CHD9: variants seen among roughly 807,000 people sequenced by gnomAD.
CHD9 encodes ATP-dependent chromatin remodeler CHD9.
CHD9 carries 77 observed loss-of-function variants against 316.1 expected under a neutral mutation model. The ratio of observed to expected loss-of-function variants is 0.24; its 90% CI spans 0.20 to 0.29. The LOEUF (loss-of-function observed/expected upper bound fraction) is 0.29. Ranked by LOEUF, CHD9 falls within the 10% of genes least tolerant of loss-of-function variation. CHD9 has a pLI of 1.00. For missense variants in CHD9, 2,763 were observed against 3,438.1 expected, an observed-to-expected ratio of 0.80 and a Z score of 4.91; for synonymous variants, 1,129 against 1,158.3, an observed-to-expected ratio of 0.97 and a Z score of 0.51.
intron 1 of CHD9, among the ~76,000 whole-genome samples, chr16:53,146,438 A>ATATATATATATATATATATAT (rs1567374423): frequency 8.6e-5 from 4 of 46,374 alleles, no homozygotes; most frequent in African/African-American, 3.7e-4. Context: ...TATATATATA[A>ATATATATATATATATATATAT]TTAAAAAGTT....
intron 8 of CHD9, among the ~76,000 whole-genome samples, chr16:53,230,793 TCA>T (rs1358619866): frequency 1.4e-4 from 21 of 152,228 alleles, no homozygotes; most frequent in African/African-American, 5.1e-4. Context: ...GGAACCAATC[TCA>T]GAGTTAAAAT....
At chr16:53,085,032 T>G (rs1407893336) in intron 1 of CHD9, among the ~76,000 whole-genome samples, 1 of 152,144 alleles carries the variant, frequency 6.6e-6, no homozygotes, top group African/African-American at 2.4e-5. Flanking sequence ...TTTACTTAAG[T>G]CAATTCCCAA....
At chr16:53,091,731 T>G (rs1326904778) in intron 1 of CHD9, among the ~76,000 whole-genome samples, 1 of 152,088 alleles carries the variant, frequency 6.6e-6, no homozygotes, top group Non-Finnish European at 1.5e-5. Context: ...AGCAAACGAG[T>G]GCCTGGTGGG....
Position 53,275,470 on chromosome 16 carries a change from C to T in CHD9, c.4967+1168C>T, listed in dbSNP as rs564538856. Among the ~76,000 whole-genome samples, 13 of 152,236 alleles carry T rather than the reference C, an allele frequency of 8.5e-5. No individual in the cohort carries two copies. The South Asian group carries it at 2.7e-3, about 32-fold the overall frequency. ...TTGATCCCTAAGGAGTTTATGGTCT[C>T]AGTAAGGAGGAAATAGAAAAAACTA... On this transcript the variant is annotated intron_variant, in intron 24 of 38. Coordinates refer to ENST00000447540, the MANE Select transcript of CHD9 (RefSeq NM_001308319.2).
intron 37 of CHD9, chr16:53,321,245 T>C: frequency 7.5e-7 from 1 of 1,342,098 alleles, no homozygotes; most frequent in Non-Finnish European, 9.8e-7. Context: ...GGGTGTACTT[T>C]TAACTAGGCT....
chr16:53,079,969 G>A (rs541633786), intron 1 of CHD9, among the ~76,000 whole-genome samples: 1 of 152,294 alleles, frequency 6.6e-6, no homozygotes, highest in South Asian at 2.1e-4. Flanking sequence ...TTGAATCTGA[G>A]GAGGGGGGCA....
intron 1 of CHD9, among the ~76,000 whole-genome samples, chr16:53,154,529 G>A (rs1339330567): frequency 6.6e-6 from 1 of 152,150 alleles, no homozygotes; most frequent in Non-Finnish European, 1.5e-5. Context: ...ACCAGGGACC[G>A]GTTTCGTGGA....
At chr16:53,317,065 G>A (rs2056931833) in intron 36 of CHD9, among the ~76,000 whole-genome samples, 2 of 151,394 alleles carry the variant, frequency 1.3e-5, no homozygotes, top group African/African-American at 4.9e-5. Flanking sequence ...GCATGGTGGC[G>A]GGTGCCTGTA....
intron 2 of CHD9, among the ~76,000 whole-genome samples, chr16:53,171,859 CAG>C (rs200358467): frequency 0.028 from 1,375 of 48,418 alleles, 11 homozygotes; most frequent in African/African-American, 0.1. Context: ...CACACACACA[CAG>C]ACACACACAC....
chr16:53,273,038 G>A (rs112075320), intron 22 of CHD9, among the ~76,000 whole-genome samples: 5,075 of 151,740 alleles, frequency 0.033, 289 homozygotes, highest in African/African-American at 0.12. Flanking sequence ...GCAGTGAGCC[G>A]ACATCACGCC....
intron 3 of CHD9, among the ~76,000 whole-genome samples, chr16:53,217,947 TCTTTCTTTC>T: frequency 6.9e-6 from 1 of 144,684 alleles, no homozygotes. Flanking sequence ...TTTCTTTCTT[TCTTTCTTTC>T]TTTTTTTTTT....
intron 29 of CHD9, among the ~76,000 whole-genome samples, chr16:53,296,687 C>A (rs188345851): frequency 6.6e-6 from 1 of 151,772 alleles, no homozygotes; most frequent in Admixed American, 6.6e-5. Context: ...CCTTGCGATC[C>A]GCCCGCCTCG....
At chr16:53,251,095 G>A (rs2050090169) in intron 17 of CHD9, among the ~76,000 whole-genome samples, 1 of 152,112 alleles carries the variant, frequency 6.6e-6, no homozygotes, top group Non-Finnish European at 1.5e-5. Context: ...CTCTTTCTGT[G>A]GAAGGCTCAA....
At chr16:53,259,024 C>T (rs1567575395) in intron 19 of CHD9, among the ~76,000 whole-genome samples, 1 of 152,120 alleles carries the variant, frequency 6.6e-6, no homozygotes, top group East Asian at 1.9e-4. Context: ...TTAAAATCTT[C>T]TCTTGCAAAT....
At chr16:53,093,312 A>G (rs932699969) in intron 1 of CHD9, among the ~76,000 whole-genome samples, 3 of 152,224 alleles carry the variant, frequency 2.0e-5, no homozygotes, top group Non-Finnish European at 2.9e-5. Context: ...CAGAATGTGA[A>G]TAACAATAGT....
chr16:53,120,056 T>C (rs2038619556), intron 1 of CHD9, among the ~76,000 whole-genome samples: 1 of 142,096 alleles, frequency 7.0e-6, no homozygotes, highest in African/African-American at 2.5e-5. Context: ...GAAGACCCCA[T>C]CTCCACAAAA....
At chr16:53,122,613 T>G (rs1021737954) in intron 1 of CHD9, among the ~76,000 whole-genome samples, 1 of 151,360 alleles carries the variant, frequency 6.6e-6, no homozygotes, top group South Asian at 2.1e-4. Flanking sequence ...GGCACAATCT[T>G]GTCTCACTGC....
chr16:53,105,517 T>G (rs2037271999), intron 1 of CHD9, among the ~76,000 whole-genome samples: 1 of 152,220 alleles, frequency 6.6e-6, no homozygotes, highest in Admixed American at 6.5e-5. Context: ...CATAATTTGG[T>G]CAACCAGTTC....
At chr16:53,151,193 TCCCTCCCCTC>T (rs1250584616) in intron 1 of CHD9, among the ~76,000 whole-genome samples, 5 of 135,320 alleles carry the variant, frequency 3.7e-5, no homozygotes, top group Non-Finnish European at 7.8e-5. Context: ...CTTTTTCTTT[TCCCTCCCCTC>T]CCCTCCCCTC....
Sources: allele counts gnomAD v4.1 joint callset (sites outside exome capture counted in the v4.1 genomes callset), GRCh38; gene constraint gnomAD v4.1.1; transcripts MANE v1.5; gene names NCBI Gene and HGNC (gene_info 2026-07-23, HGNC 2026-07-21).